The following PTPRD variants were observed in gnomAD, a reference collection of about 807,000 sequenced individuals.
PTPRD encodes protein tyrosine phosphatase receptor type D.
A neutral mutation model predicts 214.5 loss-of-function variants in PTPRD; 34 were observed. The ratio of observed to expected loss-of-function variants is 0.16; its 90% CI spans 0.12 to 0.21. The LOEUF (loss-of-function observed/expected upper bound fraction) is 0.21. Ranked by LOEUF, PTPRD falls within the 10% of genes least tolerant of loss-of-function variation. The pLI, the probability that PTPRD is intolerant of heterozygous loss-of-function variation, is 1.00. For missense variants in PTPRD, 2,545 were observed against 2,398.7 expected (o/e 1.06, Z -1.27); for synonymous variants, 1,128 against 845.7 (o/e 1.33, Z -5.79).
intron 6 of PTPRD, among the ~76,000 whole-genome samples, chr9:9,755,172 G>T (rs906206039): frequency 2.0e-5 from 3 of 151,914 alleles, no homozygotes; most frequent in African/African-American, 7.2e-5. Context: ...TGCATCTTTT[G>T]GTTCAGGAGG....
At chr9:9,782,779 T>C (rs973326261) in intron 5 of PTPRD, among the ~76,000 whole-genome samples, 4 of 152,166 alleles carry the variant, frequency 2.6e-5, no homozygotes, top group African/African-American at 9.7e-5. Flanking sequence ...TAACAAGTTA[T>C]CGAAATTTGA....
chr9:8,533,915 C>G (rs956070022), intron 14 of PTPRD, among the ~76,000 whole-genome samples: 1 of 151,990 alleles, frequency 6.6e-6, no homozygotes. Flanking sequence ...CTGAAACAGT[C>G]ATTCTTCAAC....
chr9:10,436,629 A>G (rs917002935), intron 2 of PTPRD, among the ~76,000 whole-genome samples: 2 of 151,792 alleles, frequency 1.3e-5, no homozygotes, highest in Admixed American at 6.6e-5. Flanking sequence ...ACACATATGT[A>G]TATAATGCAT....
At chr9:8,657,225 T>C (rs2096929389) in intron 12 of PTPRD, among the ~76,000 whole-genome samples, 1 of 148,168 alleles carries the variant, frequency 6.7e-6, no homozygotes, top group Non-Finnish European at 1.5e-5. Flanking sequence ...TGGAGTGCAA[T>C]GGTGCAATCT....
intron 2 of PTPRD, among the ~76,000 whole-genome samples, chr9:10,549,884 A>G (rs2131030069): frequency 6.6e-6 from 1 of 152,110 alleles, no homozygotes; most frequent in South Asian, 2.1e-4. Context: ...CCTCCTCCCA[A>G]CCAATGTGTC....
chr9:8,561,048 G>C (rs1218901053), intron 14 of PTPRD, among the ~76,000 whole-genome samples: 1 of 152,056 alleles, frequency 6.6e-6, no homozygotes, highest in African/African-American at 2.4e-5. Flanking sequence ...ACAGTTTAAA[G>C]CCTGAAAGCC....
intron 2 of PTPRD, among the ~76,000 whole-genome samples, chr9:10,478,811 G>C (rs1283723305): frequency 6.6e-6 from 1 of 151,642 alleles, no homozygotes; most frequent in African/African-American, 2.4e-5. Flanking sequence ...CTATGGATCT[G>C]AATGTTGCAT....
At chr9:9,739,392 T>G (rs764057735) in intron 6 of PTPRD, among the ~76,000 whole-genome samples, 1 of 152,164 alleles carries the variant, frequency 6.6e-6, no homozygotes, top group Non-Finnish European at 1.5e-5. Flanking sequence ...ATTACTTAAA[T>G]AGTTACATAA....
At chr9:9,512,472 T>A (rs2096732828) in intron 8 of PTPRD, among the ~76,000 whole-genome samples, 1 of 151,898 alleles carries the variant, frequency 6.6e-6, no homozygotes, top group African/African-American at 2.4e-5. Context: ...TACTTTTTAA[T>A]AAGCTGACAC....
At chr9:10,521,572 C>T (rs765483124) in intron 2 of PTPRD, among the ~76,000 whole-genome samples, 1 of 152,156 alleles carries the variant, frequency 6.6e-6, no homozygotes, top group Non-Finnish European at 1.5e-5. Context: ...GAGAGCATTG[C>T]ATGCTGCAGA....
chr9:9,123,896 A>AT (rs1347701174), intron 10 of PTPRD, among the ~76,000 whole-genome samples: 3 of 152,156 alleles, frequency 2.0e-5, no homozygotes, highest in Admixed American at 6.6e-5. Flanking sequence ...TCATGATGTC[A>AT]TATCAGATGA....
At chr9:10,203,335 C>G (rs1475557994) in intron 3 of PTPRD, among the ~76,000 whole-genome samples, 1 of 151,878 alleles carries the variant, frequency 6.6e-6, no homozygotes, top group Non-Finnish European at 1.5e-5. Context: ...TCCTGGAGTT[C>G]AGAAGAAAAT....
chr9:10,518,978 T>G (rs184606490), intron 2 of PTPRD, among the ~76,000 whole-genome samples: 1 of 152,148 alleles, frequency 6.6e-6, no homozygotes, highest in Admixed American at 6.5e-5. Flanking sequence ...GTAGATTATT[T>G]TTTTAATGGT....
chr9:8,460,611 A>T (rs2134166649), intron 32 of PTPRD, 40 bp from the exon 33 acceptor site: 1 of 1,586,670 alleles, frequency 6.3e-7, no homozygotes, highest in Non-Finnish European at 8.6e-7. Flanking sequence ...TAAAATAATG[A>T]CTTTCTAGAT....
At chr9:9,655,524 G>A (rs1374651668) in intron 7 of PTPRD, among the ~76,000 whole-genome samples, 2 of 151,816 alleles carry the variant, frequency 1.3e-5, no homozygotes, top group Admixed American at 6.6e-5. Flanking sequence ...AGCCGAAATT[G>A]CATCACTGCA....
chr9:10,472,979 T>A (rs1231358736), intron 2 of PTPRD, among the ~76,000 whole-genome samples: 1 of 152,084 alleles, frequency 6.6e-6, no homozygotes. Flanking sequence ...ATTAAGTTTA[T>A]TTAATACATT....
At chr9:9,791,495 A>G (rs147737163) in intron 5 of PTPRD, among the ~76,000 whole-genome samples, 2 of 152,262 alleles carry the variant, frequency 1.3e-5, no homozygotes, top group African/African-American at 4.8e-5. Flanking sequence ...GGAATCATAA[A>G]AGAGTCTCTT....
rs540015526 is a variant in PTPRD, at chr9:9,486,991, C to A, written c.-237+87741G>T. 2.6e-5 allele frequency among the ~76,000 whole-genome samples: 4 copies of A among 152,146 alleles called. No homozygotes were observed. In the East Asian group the frequency reaches 5.8e-4, roughly 22 times the overall value. ...ATATTTGTCTTTTCTGGTGCCAGTA[C>A]CATATTATTTTAAATAAATTATAGT... On this transcript the variant is annotated intron_variant, in intron 8 of 45. Transcript: ENST00000381196.
At chr9:10,445,667 G>A (rs2098793636) in intron 2 of PTPRD, among the ~76,000 whole-genome samples, 1 of 152,052 alleles carries the variant, frequency 6.6e-6, no homozygotes, top group Admixed American at 6.6e-5. Context: ...GACAAGGGCT[G>A]GCTTGAGAAC....
Sources: gnomAD v4.1 joint callset for allele counts (sites outside exome capture counted in the v4.1 genomes callset) on GRCh38, gnomAD v4.1.1 for gene constraint, MANE v1.5 for transcripts, NCBI Gene and HGNC (gene_info 2026-07-23, HGNC 2026-07-21) for gene names.